MAPK10: variants seen among roughly 807,000 people sequenced by gnomAD.
MAPK10 encodes the protein JNK3 alpha protein kinase.
MAPK10 carries 25 observed loss-of-function variants against 59.3 expected under a neutral mutation model. The ratio of observed to expected loss-of-function variants is 0.42; its 90% confidence interval spans 0.31 to 0.59. The LOEUF (loss-of-function observed/expected upper bound fraction) is 0.59, where lower values mean the gene tolerates loss of function less well. Ranked by LOEUF, MAPK10 falls within the 20% of genes least tolerant of loss-of-function variation. MAPK10 has a pLI of 0.15. For synonymous variants in MAPK10, 190 were observed against 200.5 expected (o/e 0.95, Z 0.44); for missense variants, 351 against 568.9 (o/e 0.62, Z 3.90).
intron 2 of MAPK10, among the ~76,000 whole-genome samples, chr4:86,235,186 C>G (rs1309779075): frequency 6.6e-6 from 1 of 152,152 alleles, no homozygotes; most frequent in East Asian, 1.9e-4. Flanking sequence ...CCTCATTTTC[C>G]AAATGAAGGA....
chr4:86,027,523 C>CA (rs1750968558), intron 13 of MAPK10: 1 of 152,114 alleles, frequency 6.6e-6, no homozygotes, highest in Middle Eastern at 3.2e-3. Context: ...TGTTTATCTT[C>CA]ATGGAGATTA....
chr4:86,010,498 T>C lies in MAPK10; in HGVS notation c.*6730A>G, dbSNP rs1031484374. On this transcript the variant is annotated 3_prime_UTR_variant, in exon 14 of 14. Coordinates refer to ENST00000641462, the MANE Select transcript of MAPK10 (RefSeq NM_138982.4). ...CACCGAAGTGTCCAAGAAATGTTTT[T>C]GGAGTAAATTAATGAACTGCTTTAG... is the stretch of plus-strand genomic sequence containing the variant. 4 of 152,212 alleles carry C rather than the reference T, an allele frequency of 2.6e-5. No individual in the cohort carries two copies. The highest frequency in any genetic ancestry group is 5.9e-5 in the Non-Finnish European group (4 of 68,044). The allele number at this position is 152,212 out of a possible 1,614,324, so 9.4% of individuals were successfully genotyped here.
Position 86,129,715 on chromosome 4 carries a change from C to A in MAPK10, c.237-22363G>T, listed in dbSNP as rs572686884. ...GTGTCATTAGCAGCCAGTTTACTGA[C>A]CCCAAATGGATTTCCTGACCAGCTG... is the stretch of plus-strand genomic sequence containing the variant. On this transcript the variant is annotated intron_variant, in intron 4 of 13. Transcript: ENST00000641462. 7.2e-5 allele frequency among the ~76,000 whole-genome samples: 11 copies of A among 152,238 alleles called. No homozygotes were observed. In the East Asian group the frequency reaches 2.1e-3, roughly 29 times the overall value.
chr4:86,480,328 T>G (rs1321492043), intron 1 of MAPK10, among the ~76,000 whole-genome samples: 1 of 148,356 alleles, frequency 6.7e-6, no homozygotes, highest in Non-Finnish European at 1.5e-5. Flanking sequence ...ACCCCCCCAC[T>G]CCTGCCCGCC....
chr4:86,432,063 T>C (rs1333723108), intron 1 of MAPK10, among the ~76,000 whole-genome samples: 1 of 151,978 alleles, frequency 6.6e-6, no homozygotes, highest in Admixed American at 6.6e-5. Flanking sequence ...AATGGCAGAG[T>C]CTTTTTAAAA....
intron 1 of MAPK10, among the ~76,000 whole-genome samples, chr4:86,548,100 C>T (rs563033451): frequency 3.3e-5 from 5 of 152,302 alleles, no homozygotes; most frequent in Admixed American, 2.0e-4. Flanking sequence ...CTTGCTGCTG[C>T]TCACTGCTTG....
At chr4:86,088,441 C>T (rs1288101699) in intron 9 of MAPK10, among the ~76,000 whole-genome samples, 1 of 152,162 alleles carries the variant, frequency 6.6e-6, no homozygotes, top group Non-Finnish European at 1.5e-5. Flanking sequence ...CCACTTCAGC[C>T]TTCCAAAGTG....
chr4:86,271,526 G>T (rs1231054351), intron 2 of MAPK10, among the ~76,000 whole-genome samples: 1 of 151,824 alleles, frequency 6.6e-6, no homozygotes, highest in Non-Finnish European at 1.5e-5. Flanking sequence ...TAAGGTTTGG[G>T]GTACAAATGA....
chr4:86,538,457 C>A (rs766692743), intron 1 of MAPK10, among the ~76,000 whole-genome samples: 1 of 152,142 alleles, frequency 6.6e-6, no homozygotes, highest in Non-Finnish European at 1.5e-5. Context: ...TGAGCCACTG[C>A]GCCCGGTCCA....
intron 2 of MAPK10, among the ~76,000 whole-genome samples, chr4:86,331,376 G>A (rs993065010): frequency 6.6e-6 from 1 of 152,156 alleles, no homozygotes; most frequent in Non-Finnish European, 1.5e-5. Context: ...CATAGGACCA[G>A]CTTGGTTATT....
At chr4:86,453,868 G>A (rs1205406076), upstream of MAPK10, among the ~76,000 whole-genome samples, 1 of 152,056 alleles carries the variant, frequency 6.6e-6, no homozygotes, top group Non-Finnish European at 1.5e-5. Flanking sequence ...CTTTTCACCA[G>A]TCTGCCACCT....
At chr4:86,084,017 T>C (rs1330924582) in intron 9 of MAPK10, among the ~76,000 whole-genome samples, 3 of 152,112 alleles carry the variant, frequency 2.0e-5, no homozygotes, top group African/African-American at 7.2e-5. Flanking sequence ...ACCTGCTAAC[T>C]GAAGAGTCCT....
chr4:86,462,810 A>C (rs1564907137), intron 1 of MAPK10, among the ~76,000 whole-genome samples: 1 of 152,198 alleles, frequency 6.6e-6, no homozygotes, highest in Non-Finnish European at 1.5e-5. Context: ...CATATGATGC[A>C]TGAAATGGAA....
chr4:86,525,787 G>T (rs1477335540), intron 1 of MAPK10, among the ~76,000 whole-genome samples: 1 of 152,122 alleles, frequency 6.6e-6, no homozygotes, highest in Non-Finnish European at 1.5e-5. Context: ...AAAATATAGG[G>T]AATAAGCAAA....
At chr4:86,571,984 T>C (rs1761495288) in intron 1 of MAPK10, among the ~76,000 whole-genome samples, 1 of 152,146 alleles carries the variant, frequency 6.6e-6, no homozygotes, top group Non-Finnish European at 1.5e-5. Flanking sequence ...AATTTTAAAT[T>C]ATTAGGCTGA....
chr4:86,467,868 C>T (rs1156788186), intron 1 of MAPK10, among the ~76,000 whole-genome samples: 1 of 152,154 alleles, frequency 6.6e-6, no homozygotes, highest in East Asian at 1.9e-4. Context: ...GTTCCAGAAA[C>T]TGGCTTACTG....
At chr4:86,374,273 G>A (rs1663564433) in intron 1 of MAPK10, among the ~76,000 whole-genome samples, 1 of 152,088 alleles carries the variant, frequency 6.6e-6, no homozygotes, top group Non-Finnish European at 1.5e-5. Context: ...GGGGACTAGG[G>A]GAGGGATAGC....
At chr4:86,325,475 C>G (rs143614919) in intron 2 of MAPK10, among the ~76,000 whole-genome samples, 4 of 152,352 alleles carry the variant, frequency 2.6e-5, no homozygotes, top group Admixed American at 6.5e-5. Context: ...CCATACTACA[C>G]TGCCTCTGAA....
intron 2 of MAPK10, among the ~76,000 whole-genome samples, chr4:86,276,681 A>G (rs940484177): frequency 6.6e-6 from 1 of 152,180 alleles, no homozygotes; most frequent in African/African-American, 2.4e-5. Context: ...TAACATGTAC[A>G]GTGGTTTTTA....
Sources: gnomAD v4.1 joint callset for allele counts (sites outside exome capture counted in the v4.1 genomes callset) on GRCh38, gnomAD v4.1.1 for gene constraint, MANE v1.5 for transcripts, NCBI Gene and HGNC (gene_info 2026-07-23, HGNC 2026-07-21) for gene names.